PHACTR3: variants seen among roughly 807,000 people sequenced by gnomAD.
PHACTR3 encodes the protein protein phosphatase 1, regulatory subunit 123.
In PHACTR3, 16 loss-of-function variants were observed where a neutral mutation model predicts 66.8. The observed-to-expected ratio is 0.24, with a 90% CI of 0.16 to 0.36. The LOEUF (loss-of-function observed/expected upper bound fraction) is 0.36, where lower values mean the gene tolerates loss of function less well. Ranked by LOEUF, PHACTR3 falls within the 10% of genes least tolerant of loss-of-function variation. PHACTR3 has a pLI of 1.00. For synonymous variants in PHACTR3, 323 were observed against 292.1 expected (o/e 1.11, Z -1.08); for missense variants, 647 against 719.9 (o/e 0.90, Z 1.16).
chr20:59,724,106 A>T (rs554395048), intron 1 of PHACTR3, among the ~76,000 whole-genome samples: 1 of 152,270 alleles, frequency 6.6e-6, no homozygotes, highest in Non-Finnish European at 1.5e-5. Flanking sequence ...ATCCCTGGCC[A>T]CGAGAGGTGG....
chr20:59,776,914 G>A (rs933276183), intron 7 of PHACTR3, among the ~76,000 whole-genome samples: 3 of 152,204 alleles, frequency 2.0e-5, no homozygotes, highest in African/African-American at 7.2e-5. Context: ...TCAGCCAGGT[G>A]GCCTGGTCAC....
At chr20:59,728,275 A>G (rs1203187950) in intron 1 of PHACTR3, among the ~76,000 whole-genome samples, 2 of 152,092 alleles carry the variant, frequency 1.3e-5, no homozygotes, top group African/African-American at 4.8e-5. Context: ...TCTGTGCTGC[A>G]GTGGGTGTCA....
intron 1 of PHACTR3, among the ~76,000 whole-genome samples, chr20:59,731,385 A>G (rs2038754140): frequency 6.6e-6 from 1 of 152,198 alleles, no homozygotes; most frequent in Non-Finnish European, 1.5e-5. Flanking sequence ...GATGCATCCT[A>G]CTAAGCCACA....
At chr20:59,679,929 G>A (rs1336664237) in intron 1 of PHACTR3, among the ~76,000 whole-genome samples, 1 of 152,088 alleles carries the variant, frequency 6.6e-6, no homozygotes, top group Non-Finnish European at 1.5e-5. Context: ...ATTTGGGTGG[G>A]GACACAGCCA....
intron 4 of PHACTR3, among the ~76,000 whole-genome samples, chr20:59,764,169 A>G (rs912206102): frequency 5.3e-5 from 8 of 152,010 alleles, no homozygotes; most frequent in African/African-American, 1.9e-4. Flanking sequence ...TTATGTGGAG[A>G]TCAGACATAG....
intron 1 of PHACTR3, among the ~76,000 whole-genome samples, chr20:59,694,516 G>A (rs2037225797): frequency 6.6e-6 from 1 of 151,818 alleles, no homozygotes; most frequent in Non-Finnish European, 1.5e-5. Context: ...ATGAGAGAAA[G>A]CCTCGATGGA....
chr20:59,606,976 T>C (rs1486038755), intron 1 of PHACTR3, among the ~76,000 whole-genome samples: 4 of 152,184 alleles, frequency 2.6e-5, no homozygotes, highest in African/African-American at 9.7e-5. Context: ...TTATGGATTG[T>C]GTGAAGCAGA....
intron 8 of PHACTR3, among the ~76,000 whole-genome samples, chr20:59,815,067 G>A (rs995995620): frequency 6.6e-6 from 1 of 152,180 alleles, no homozygotes; most frequent in Non-Finnish European, 1.5e-5. Context: ...GTGGACCCAG[G>A]CTGGACTGGG....
At chr20:59,777,470 G>A (rs1429444581) in intron 7 of PHACTR3, among the ~76,000 whole-genome samples, 1 of 152,136 alleles carries the variant, frequency 6.6e-6, no homozygotes, top group African/African-American at 2.4e-5. Context: ...CTGTGGCTGG[G>A]CCGGTCCATG....
chr20:59,605,480 G>A (rs2033627321), intron 1 of PHACTR3, among the ~76,000 whole-genome samples: 1 of 152,220 alleles, frequency 6.6e-6, no homozygotes, highest in South Asian at 2.1e-4. Context: ...CGCCGGTTCT[G>A]GGCCATTCCC....
At chr20:59,789,785 G>A (rs1436689526) in intron 7 of PHACTR3, among the ~76,000 whole-genome samples, 1 of 152,200 alleles carries the variant, frequency 6.6e-6, no homozygotes, top group East Asian at 1.9e-4. Flanking sequence ...GCTGGGAGGA[G>A]TTGGGGAATC....
At chr20:59,843,892 TATGAGAAAATATTA>T (rs2059107209) in intron 11 of PHACTR3, 1 of 151,878 alleles carries the variant, frequency 6.6e-6, no homozygotes, top group South Asian at 2.1e-4. Flanking sequence ...CAACAGGGAA[TATGAGAAAATATTA>T]ATATCTGCAA....
intron 1 of PHACTR3, among the ~76,000 whole-genome samples, chr20:59,670,935 C>T (rs931263463): frequency 6.6e-6 from 1 of 152,294 alleles, no homozygotes; most frequent in Non-Finnish European, 1.5e-5. Context: ...TCTGCAATCT[C>T]GTACTTTCTG....
At chr20:59,842,887 A>G (rs758437360) in intron 11 of PHACTR3, among the ~76,000 whole-genome samples, 1 of 152,042 alleles carries the variant, frequency 6.6e-6, no homozygotes, top group Non-Finnish European at 1.5e-5. Flanking sequence ...AGCCAGAGCA[A>G]TCGAGCAACA....
chr20:59,807,046 C>T (rs934530891), intron 8 of PHACTR3, among the ~76,000 whole-genome samples: 4 of 152,212 alleles, frequency 2.6e-5, no homozygotes, highest in Non-Finnish European at 4.4e-5. Flanking sequence ...AGTGAGTGAA[C>T]GGGAAGGCTA....
intron 1 of PHACTR3, among the ~76,000 whole-genome samples, chr20:59,584,425 T>C (rs1325121982): frequency 6.6e-6 from 1 of 151,694 alleles, no homozygotes; most frequent in East Asian, 1.9e-4. Flanking sequence ...TGTGTATGCA[T>C]GTGTGTGAGG....
In PHACTR3 at chr20:59,820,564, C is replaced by T. The variant is rs1284620730; in HGVS notation, c.1328+14370C>T. Among the ~76,000 whole-genome samples, 1 of 152,150 alleles carries T rather than the reference C, an allele frequency of 6.6e-6. No individual in the cohort carries two copies. Among genetic ancestry groups the T allele is most frequent in the Admixed American group, 6.5e-5 (1 of 15,280 alleles). The stretch of plus-strand genomic sequence containing the variant: ...AGTCCCCGTGTACAGGGAGGGAAAG[C>T]CCATCTGTGTGTGGCATGCAGGGTA... On this transcript the variant is annotated intron_variant, in intron 8 of 12. Transcript: ENST00000371015. This position sits in a 1 kb window ranked among gnomAD's most constrained non-coding sequence, Gnocchi z 4.6.
At chr20:59,644,540 A>G (rs2146433102) in intron 1 of PHACTR3, among the ~76,000 whole-genome samples, 1 of 152,290 alleles carries the variant, frequency 6.6e-6, no homozygotes, top group South Asian at 2.1e-4. Context: ...TCCAGGGTCT[A>G]GCACTGGCCT....
At chr20:59,610,938 T>C (rs1039951678) in intron 1 of PHACTR3, among the ~76,000 whole-genome samples, 2 of 152,224 alleles carry the variant, frequency 1.3e-5, no homozygotes, top group Non-Finnish European at 2.9e-5. Context: ...GCAGAGATAA[T>C]TTCCTATCCA....
Sources: allele counts gnomAD v4.1 joint callset (sites outside exome capture counted in the v4.1 genomes callset), GRCh38; gene constraint gnomAD v4.1.1; non-coding constraint Gnocchi (gnomAD v3.1); transcripts MANE v1.5; gene names NCBI Gene and HGNC (gene_info 2026-07-23, HGNC 2026-07-21).